ARHGAP29: variants seen among roughly 807,000 people sequenced by gnomAD.
The protein encoded by ARHGAP29 is rho GTPase-activating protein 29.
ARHGAP29 carries 43 observed loss-of-function variants against 122.6 expected under a neutral mutation model. That is an observed-to-expected ratio of 0.35 (90% CI 0.27 to 0.45). ARHGAP29 has a LOEUF of 0.45. Ranked by LOEUF, ARHGAP29 falls within the 20% of genes least tolerant of loss-of-function variation. The pLI, the probability that ARHGAP29 is intolerant of heterozygous loss-of-function variation, is 1.00. For synonymous variants in ARHGAP29, 506 were observed against 497.1 expected, an observed-to-expected ratio of 1.02 and a Z score of -0.24; for missense variants, 1,303 against 1,477.2, an observed-to-expected ratio of 0.88 and a Z score of 1.93.
intron 2 of ARHGAP29, among the ~76,000 whole-genome samples, chr1:94,221,906 G>A (rs1652316456): frequency 1.3e-5 from 2 of 151,254 alleles, no homozygotes; most frequent in African/African-American, 4.9e-5. Flanking sequence ...GTTGATTCCT[G>A]GACTGGGGCA....
At chr1:94,222,453 C>T (rs937276158) in intron 2 of ARHGAP29, among the ~76,000 whole-genome samples, 2 of 152,130 alleles carry the variant, frequency 1.3e-5, no homozygotes, top group Non-Finnish European at 2.9e-5. Flanking sequence ...GTGATGAAAA[C>T]AACACTTTAC....
intron 2 of ARHGAP29, among the ~76,000 whole-genome samples, chr1:94,221,397 G>A (rs1652283189): frequency 1.3e-5 from 2 of 152,038 alleles, no homozygotes; most frequent in Non-Finnish European, 2.9e-5. Context: ...CACTTACTAT[G>A]TGCTAGGCAC....
At chr1:94,212,765 T>G (rs551124445) in intron 3 of ARHGAP29, among the ~76,000 whole-genome samples, 1 of 152,324 alleles carries the variant, frequency 6.6e-6, no homozygotes, top group Admixed American at 6.5e-5. Context: ...TGGCCTGACT[T>G]CAAAACAGCC....
the ARHGAP29 span, among the ~76,000 whole-genome samples, chr1:94,309,479 C>T: frequency 6.6e-6 from 1 of 152,210 alleles, no homozygotes; most frequent in Non-Finnish European, 1.5e-5. Context: ...ACACTCACAG[C>T]CGTTCCAAAC....
chr1:94,185,294 T>A, intron 17 of ARHGAP29, 48 bp downstream of exon 17: 1 of 1,509,320 alleles, frequency 6.6e-7, no homozygotes. Flanking sequence ...CAAAAAAGTA[T>A]AAAACAAAAA....
the ARHGAP29 span, among the ~76,000 whole-genome samples, chr1:94,281,108 A>G: frequency 6.6e-6 from 1 of 152,210 alleles, no homozygotes; most frequent in Non-Finnish European, 1.5e-5. Flanking sequence ...AGAAATGGTC[A>G]TAATGTTGCT....
intron 1 of ARHGAP29, among the ~76,000 whole-genome samples, chr1:94,236,958 G>C (rs1261192360): frequency 6.6e-6 from 1 of 152,158 alleles, no homozygotes; most frequent in African/African-American, 2.4e-5. Context: ...CTGGGTTTAG[G>C]TCCTGACGCT....
intron 1 of ARHGAP29, among the ~76,000 whole-genome samples, chr1:94,269,091 G>T (rs1183213201): frequency 6.6e-6 from 1 of 152,114 alleles, no homozygotes; most frequent in African/African-American, 2.4e-5. Context: ...TAAAGAAATA[G>T]CTATTTCATC....
chr1:94,223,945 T>C (rs923995719), intron 2 of ARHGAP29, among the ~76,000 whole-genome samples: 3 of 152,062 alleles, frequency 2.0e-5, no homozygotes, highest in Admixed American at 6.6e-5. Flanking sequence ...GTAGCTAGGA[T>C]TACAGGTGCT....
chr1:94,296,943 C>G, the ARHGAP29 span, among the ~76,000 whole-genome samples: 2 of 152,164 alleles, frequency 1.3e-5, no homozygotes, highest in African/African-American at 4.8e-5. Context: ...TTGCAGACAG[C>G]TTTTTATGGA....
intron 3 of ARHGAP29, 80 bp from the exon 4 acceptor site, chr1:94,209,430 T>G: frequency 1.2e-6 from 1 of 815,032 alleles, no homozygotes; most frequent in Non-Finnish European, 1.8e-6. Flanking sequence ...CCTTTAAAAC[T>G]TCATCATTAG....
chr1:94,279,133 T>C (rs1655274829), upstream of ARHGAP29, among the ~76,000 whole-genome samples: 1 of 152,222 alleles, frequency 6.6e-6, no homozygotes, highest in Admixed American at 6.5e-5. Flanking sequence ...CTAGGTTCAC[T>C]ATAATACTTC....
chr1:94,309,405 G>T, the ARHGAP29 span, among the ~76,000 whole-genome samples: 1 of 152,336 alleles, frequency 6.6e-6, no homozygotes, highest in South Asian at 2.1e-4. Flanking sequence ...TTTGCAGAGT[G>T]CTTTGATGTC....
intron 1 of ARHGAP29, among the ~76,000 whole-genome samples, chr1:94,263,130 A>C (rs1415491718): frequency 6.6e-6 from 1 of 152,226 alleles, no homozygotes; most frequent in African/African-American, 2.4e-5. Context: ...ATCCTTAGCA[A>C]AGTAACATAG....
At chr1:94,220,135 C>T in intron 3 of ARHGAP29, 123 bp downstream of exon 3, 7 of 1,099,874 alleles carry the variant, frequency 6.4e-6, no homozygotes, top group Non-Finnish European at 9.3e-6. Context: ...ATATATAACT[C>T]CTTATTAACA....
intron 3 of ARHGAP29, among the ~76,000 whole-genome samples, chr1:94,217,525 G>A (rs1396616330): frequency 3.4e-5 from 2 of 58,278 alleles, no homozygotes; most frequent in Non-Finnish European, 9.3e-5. Flanking sequence ...CAGAGACACC[G>A]TCTCAAAAAA....
intron 3 of ARHGAP29, among the ~76,000 whole-genome samples, chr1:94,216,945 GA>G: frequency 6.6e-6 from 1 of 151,938 alleles, no homozygotes; most frequent in East Asian, 1.9e-4. Flanking sequence ...GAATGAATGG[GA>G]AAAAAATTAA....
chr1:94,185,198 A>G (rs1649719379), intron 17 of ARHGAP29, 138 bp from the exon 18 acceptor site: 12 of 1,205,606 alleles, frequency 1.0e-5, no homozygotes, highest in African/African-American at 1.6e-5. Context: ...TAACAACAAA[A>G]TAAAATATAA....
In ARHGAP29 at chr1:94,185,073, G is replaced by A; in HGVS notation, c.1921-13C>T. On this transcript the variant is annotated splice_polypyrimidine_tract_variant and intron_variant, in intron 17 of 22. Transcript: ENST00000260526. ...AAACAAGGAGACACTACAAGAAAAT[G>A]ATAGTTTGAAACTGGTTAACCTTAA... is the stretch of plus-strand genomic sequence containing the variant. 1 of 1,600,502 alleles carries A rather than the reference G, an allele frequency of 6.2e-7. No homozygotes were observed. The highest frequency in any genetic ancestry group is 8.5e-7 in the Non-Finnish European group (1 of 1,174,596).
Sources: gnomAD v4.1 joint callset for allele counts (sites outside exome capture counted in the v4.1 genomes callset) on GRCh38, gnomAD v4.1.1 for gene constraint, MANE v1.5 for transcripts, NCBI Gene and HGNC (gene_info 2026-07-23, HGNC 2026-07-21) for gene names.